The following CNTNAP2 variants were observed in gnomAD, a reference collection of about 807,000 sequenced individuals.
The protein encoded by CNTNAP2 is contactin associated protein 2, also known as contactin-associated protein-like 2.
A neutral mutation model predicts 155.2 loss-of-function variants in CNTNAP2; 98 were observed. The observed-to-expected ratio is 0.63, with a 90% CI of 0.54 to 0.75. CNTNAP2 has a LOEUF of 0.75. CNTNAP2 is among the 30% of genes least tolerant of loss of function. CNTNAP2 has a pLI of 0.00. For synonymous variants in CNTNAP2, 651 were observed against 631.2 expected (o/e 1.03, Z -0.47); for missense variants, 1,727 against 1,688.1 (o/e 1.02, Z -0.40).
intron 8 of CNTNAP2, among the ~76,000 whole-genome samples, chr7:147,254,795 G>T (rs1804285477): frequency 1.3e-5 from 2 of 152,076 alleles, no homozygotes; most frequent in Admixed American, 6.5e-5. Context: ...ATTCTCATTG[G>T]GGGCACTGAA....
intron 15 of CNTNAP2, among the ~76,000 whole-genome samples, chr7:148,017,005 T>C (rs1260075698): frequency 6.6e-6 from 1 of 152,332 alleles, no homozygotes; most frequent in South Asian, 2.1e-4. Flanking sequence ...GGAAGGATAT[T>C]TCATCAAACC....
chr7:147,319,093 A>G (rs1268828545), intron 9 of CNTNAP2, among the ~76,000 whole-genome samples: 5 of 152,178 alleles, frequency 3.3e-5, no homozygotes, highest in Admixed American at 3.3e-4. Flanking sequence ...TCATGTAACA[A>G]AAATTGTTGA....
chr7:146,732,613 C>A (rs1276265394), intron 1 of CNTNAP2, among the ~76,000 whole-genome samples: 1 of 152,060 alleles, frequency 6.6e-6, no homozygotes, highest in Non-Finnish European at 1.5e-5. Flanking sequence ...AGATTTTGAA[C>A]CATTCTTTAA....
At chr7:146,341,098 T>C (rs542659205) in intron 1 of CNTNAP2, among the ~76,000 whole-genome samples, 2 of 152,314 alleles carry the variant, frequency 1.3e-5, no homozygotes, top group South Asian at 2.1e-4. Flanking sequence ...AGTGAACTTA[T>C]CTATCCTTTT....
At chr7:148,266,693 A>G (rs1796675915) in intron 20 of CNTNAP2, among the ~76,000 whole-genome samples, 1 of 152,154 alleles carries the variant, frequency 6.6e-6, no homozygotes, top group Admixed American at 6.5e-5. Flanking sequence ...CATATTCCCT[A>G]TCAGAGGCTG....
chr7:146,708,880 G>A lies in CNTNAP2; in HGVS notation c.98-65391G>A, dbSNP rs187163474. On this transcript the variant is annotated intron_variant, in intron 1 of 23. Coordinates refer to ENST00000361727, the MANE Select transcript of CNTNAP2 (RefSeq NM_014141.6). ...TGGGATTACAGGCGTGAACCACTGC[G>A]CCTGGCCAAAAAAAAGTGATTCTTA... Among the ~76,000 whole-genome samples the A allele has an allele frequency of 5.1e-3, 778 of 151,800 alleles. 1 individual carries two copies. The highest frequency in any genetic ancestry group is 0.01 in the Admixed American group (154 of 15,250).
chr7:147,630,008 A>C (rs1795055794), intron 12 of CNTNAP2, among the ~76,000 whole-genome samples: 1 of 152,108 alleles, frequency 6.6e-6, no homozygotes, highest in African/African-American at 2.4e-5. Flanking sequence ...CAAACAAAAA[A>C]ATACAAAAGA....
At chr7:146,764,493 A>G (rs1412452077) in intron 1 of CNTNAP2, among the ~76,000 whole-genome samples, 1 of 150,976 alleles carries the variant, frequency 6.6e-6, no homozygotes, top group South Asian at 2.1e-4. Context: ...TTTTCTTTTA[A>G]ATTAGAAGAT....
intron 3 of CNTNAP2, among the ~76,000 whole-genome samples, chr7:146,931,604 A>G (rs577281375): frequency 1.3e-5 from 2 of 151,070 alleles, no homozygotes; most frequent in Admixed American, 6.6e-5. Context: ...AACTGAAGGA[A>G]ATAGAGACAC....
chr7:146,792,849 G>A (rs1003114013), intron 2 of CNTNAP2, among the ~76,000 whole-genome samples: 1 of 151,962 alleles, frequency 6.6e-6, no homozygotes, highest in African/African-American at 2.4e-5. Context: ...TATTTTTTTT[G>A]AAGGGGCATC....
chr7:148,347,256 C>CA (rs753738070), intron 21 of CNTNAP2, among the ~76,000 whole-genome samples: 4,261 of 99,262 alleles, frequency 0.043, 59 homozygotes, highest in African/African-American at 0.065. Flanking sequence ...GACTCCGTCT[C>CA]AAAAAAAAAA....
chr7:148,407,218 G>C (rs1367998832), intron 22 of CNTNAP2, among the ~76,000 whole-genome samples: 1 of 109,802 alleles, frequency 9.1e-6, no homozygotes, highest in Non-Finnish European at 2.0e-5. Context: ...TCTTATATCT[G>C]ATGATAAGCC....
intron 1 of CNTNAP2, among the ~76,000 whole-genome samples, chr7:146,423,350 T>C (rs956955997): frequency 2.6e-5 from 4 of 152,176 alleles, no homozygotes; most frequent in Admixed American, 6.6e-5. Context: ...TGAAAATGAA[T>C]ATTACAGTTC....
intron 11 of CNTNAP2, among the ~76,000 whole-genome samples, chr7:147,519,678 C>T (rs755021415): frequency 2.3e-4 from 35 of 152,312 alleles, no homozygotes; most frequent in East Asian, 1.9e-3. Flanking sequence ...GCCTGGCCAA[C>T]GGGGTGCAAC....
At chr7:148,208,824 C>A (rs947799056) in intron 18 of CNTNAP2, among the ~76,000 whole-genome samples, 2 of 152,136 alleles carry the variant, frequency 1.3e-5, no homozygotes, top group Non-Finnish European at 2.9e-5. Context: ...TCTTGAAAAA[C>A]CCTTTTTCCT....
chr7:147,785,251 A>C (rs1797722344), intron 13 of CNTNAP2, among the ~76,000 whole-genome samples: 1 of 152,164 alleles, frequency 6.6e-6, no homozygotes, highest in African/African-American at 2.4e-5. Flanking sequence ...TCTTTAAGAC[A>C]CTTCAACATC....
intron 3 of CNTNAP2, among the ~76,000 whole-genome samples, chr7:146,971,877 A>G (rs991369250): frequency 1.3e-5 from 2 of 152,180 alleles, no homozygotes; most frequent in Non-Finnish European, 2.9e-5. Context: ...AATAAAGAGT[A>G]TATTTATTGC....
chr7:148,062,490 G>A (rs920766623), intron 15 of CNTNAP2, among the ~76,000 whole-genome samples: 3 of 151,994 alleles, frequency 2.0e-5, no homozygotes, highest in Non-Finnish European at 1.5e-5. Flanking sequence ...TTAGGCACAC[G>A]ACAATAAGTA....
At chr7:146,277,778 T>G (rs1800187102) in intron 1 of CNTNAP2, among the ~76,000 whole-genome samples, 1 of 152,136 alleles carries the variant, frequency 6.6e-6, no homozygotes, top group South Asian at 2.1e-4. Context: ...ACTAATGGAC[T>G]CCAAACAGGA....
Sources: allele counts gnomAD v4.1 joint callset (sites outside exome capture counted in the v4.1 genomes callset), GRCh38; gene constraint gnomAD v4.1.1; transcripts MANE v1.5; gene names NCBI Gene and HGNC (gene_info 2026-07-23, HGNC 2026-07-21).